Variants in ARID4B observed in about 807,000 individuals in gnomAD.
ARID4B encodes AT-rich interaction domain 4B.
Under a neutral mutation model 147.5 loss-of-function variants are expected in ARID4B, and 26 were observed. The ratio of observed to expected loss-of-function variants is 0.18; its 90% CI spans 0.13 to 0.24. The LOEUF (loss-of-function observed/expected upper bound fraction) is 0.24. Ranked by LOEUF, ARID4B falls within the 10% of genes least tolerant of loss-of-function variation. ARID4B has a pLI of 1.00. For missense variants in ARID4B, 1,179 were observed against 1,511.5 expected (o/e 0.78, Z 3.65); for synonymous variants, 512 against 507.9 (o/e 1.01, Z -0.11).
chr1:235,294,345 C>A (rs1672538995), intron 2 of ARID4B, among the ~76,000 whole-genome samples: 1 of 119,110 alleles, frequency 8.4e-6, no homozygotes. Context: ...CAGAGTCTTA[C>A]TCTGTCACCC....
chr1:235,228,964 C>T, intron 11 of ARID4B: 1 of 339,352 alleles, frequency 2.9e-6, no homozygotes, highest in Non-Finnish European at 5.3e-6. Flanking sequence ...CTTTCTTAAT[C>T]ATCTCATTAA....
chr1:235,309,853 C>G (rs888879595), intron 2 of ARID4B, among the ~76,000 whole-genome samples: 2 of 152,188 alleles, frequency 1.3e-5, no homozygotes, highest in Non-Finnish European at 2.9e-5. Flanking sequence ...GCCTTGGGAT[C>G]CTGTTGATCT....
At chr1:235,192,711 C>A (rs1665198841) in intron 19 of ARID4B, among the ~76,000 whole-genome samples, 1 of 152,144 alleles carries the variant, frequency 6.6e-6, no homozygotes, top group East Asian at 1.9e-4. Context: ...TGTCCCCTTC[C>A]CTGCCAGTCA....
Position 235,252,805 on chromosome 1 carries a change from A to G in ARID4B, c.279T>C (p.Phe93=), listed in dbSNP as rs527659953. 1.7e-5 allele frequency: 28 copies of G among 1,607,736 alleles called. No homozygotes were observed. The highest frequency in any genetic ancestry group is 5.1e-5 in the Admixed American group (3 of 59,140). The part of the protein sequence containing the change: ...LTDASWYTVV[F]DDGDEKTLRR... Reference sequence around the variant, plus strand: ...TCAGTGTCTTCTCATCTCCGTCATCAAAAACTATGAGAGGGGGTAAAAATG... The same window carrying G: ...TCAGTGTCTTCTCATCTCCGTCATCGAAAACTATGAGAGGGGGTAAAAATG... The change falls in exon 6 of 24, where the codon TTT becomes TTC. Residue 93 remains phenylalanine, a synonymous_variant. Coordinates refer to ENST00000264183, the MANE Select transcript of ARID4B (RefSeq NM_016374.6).
chr1:235,255,823 C>G, intron 4 of ARID4B, 73 bp from the exon 5 acceptor site: 6 of 1,007,944 alleles, frequency 6.0e-6, no homozygotes, highest in Non-Finnish European at 9.0e-6. Flanking sequence ...GGTTTGTTTT[C>G]TTTTAACTGA....
rs550133087 is a variant in ARID4B at position 235,264,696 on chromosome 1, A to AAT, written c.7-3945_7-3944insAT. On this transcript the variant is annotated intron_variant, in intron 2 of 23. Transcript: ENST00000264183. ...TATGAAACACTTGATGTGGACAAAC[A>AAT]AGTCATTTTATCAATAGTAATTCAG... is the stretch of plus-strand genomic sequence containing the variant. Among the ~76,000 whole-genome samples, 172 of 152,340 alleles carry AAT rather than the reference A, an allele frequency of 1.1e-3. 1 individual carries two copies. Among genetic ancestry groups the AAT allele is most frequent in the African/African-American group, 4.1e-3 (169 of 41,586 alleles).
intron 2 of ARID4B, 87 bp from the exon 3 acceptor site, chr1:235,260,839 A>G (rs1478866280): frequency 9.5e-6 from 8 of 843,356 alleles, no homozygotes; most frequent in African/African-American, 1.8e-5. Context: ...TAATCTTGTT[A>G]AGCTACAACA....
rs574109213 is a variant in ARID4B at position 235,247,700 on chromosome 1, T to G, written c.355-1189A>C. Among the ~76,000 whole-genome samples, 3 of 152,190 alleles carry G rather than the reference T, an allele frequency of 2.0e-5. No homozygotes were observed. In the South Asian group the frequency reaches 6.2e-4, roughly 32 times the overall value. On this transcript the variant is annotated intron_variant, in intron 6 of 23. Coordinates refer to ENST00000264183, the MANE Select transcript of ARID4B (RefSeq NM_016374.6). ...CCTTAAATCAGGCATTTAAAAAATA[T>G]TATTTGGGCCGGGTGCAGTGACTCA...
chr1:235,286,572 G>A (rs1418520422), intron 2 of ARID4B, among the ~76,000 whole-genome samples: 1 of 152,192 alleles, frequency 6.6e-6, no homozygotes, highest in Non-Finnish European at 1.5e-5. Context: ...TGGTAATCTA[G>A]TAAAAGAATT....
chr1:235,173,766 AAAAAAATAT>A (rs1663584347), intron 22 of ARID4B, among the ~76,000 whole-genome samples: 1 of 48,176 alleles, frequency 2.1e-5, no homozygotes, highest in Admixed American at 2.6e-4. Flanking sequence ...AAAAAAAAAA[AAAAAAATAT>A]ATATATATAT....
chr1:235,227,730 G>A (rs1470857391), intron 11 of ARID4B, among the ~76,000 whole-genome samples: 1 of 151,754 alleles, frequency 6.6e-6, no homozygotes, highest in Non-Finnish European at 1.5e-5. Flanking sequence ...ATATTTTATG[G>A]CTTATTTATG....
chr1:235,280,173 T>C (rs1485190902), intron 2 of ARID4B, among the ~76,000 whole-genome samples: 2 of 152,174 alleles, frequency 1.3e-5, no homozygotes, highest in African/African-American at 4.8e-5. Context: ...TGACAGTAAC[T>C]TCAAGTCTAA....
intron 6 of ARID4B, among the ~76,000 whole-genome samples, chr1:235,249,389 C>G (rs1011564618): frequency 2.0e-5 from 3 of 152,082 alleles, no homozygotes; most frequent in African/African-American, 7.2e-5. Context: ...GTATAATACT[C>G]AAAGTATGAA....
At chr1:235,193,869 A>C in intron 19 of ARID4B, 144 bp downstream of exon 19, 1 of 550,404 alleles carries the variant, frequency 1.8e-6, no homozygotes, top group South Asian at 3.6e-5. Context: ...ATTTCAGTTA[A>C]GAGATATTCA....
At chr1:235,325,093 T>A (rs1003525138) in intron 2 of ARID4B, among the ~76,000 whole-genome samples, 1 of 152,138 alleles carries the variant, frequency 6.6e-6, no homozygotes, top group Non-Finnish European at 1.5e-5. Context: ...ATAAGCTAAG[T>A]TTTTAGTACT....
intron 2 of ARID4B, among the ~76,000 whole-genome samples, chr1:235,289,631 G>A (rs1672199069): frequency 6.6e-6 from 1 of 151,678 alleles, no homozygotes; most frequent in East Asian, 1.9e-4. Context: ...GGTTGAGGTG[G>A]GAGGATCACT....
At chr1:235,176,829 G>A (rs973997541) in intron 21 of ARID4B, 26 of 470,514 alleles carry the variant, frequency 5.5e-5, no homozygotes, top group African/African-American at 1.4e-4. Flanking sequence ...CAGCCAAGCC[G>A]GCTGCTAGCA....
chr1:235,231,182 C>T lies in ARID4B; in HGVS notation c.673G>A (p.Val225Ile). The T allele has an allele frequency of 1.3e-6, 2 of 1,564,828 alleles. No individual in the cohort carries two copies. The highest frequency in any genetic ancestry group is 1.9e-5 in the Admixed American group (1 of 53,418). Residue 225 changes from valine to isoleucine, a missense_variant, in exon 10 of 24, where the codon GTT (valine) becomes ATT (isoleucine). Coordinates refer to ENST00000264183, the MANE Select transcript of ARID4B (RefSeq NM_016374.6). Reference protein sequence around the residue: ...RSFKDGKFTSVPRKDVHEITS... With the variant: ...RSFKDGKFTSIPRKDVHEITS... ...ATTTCATGGACATCTTTTCTTGGAA[C>T]TGAAGTACTATATATTTTTTTTAAT...
At chr1:235,317,012 C>G (rs1487185959) in intron 2 of ARID4B, among the ~76,000 whole-genome samples, 1 of 152,074 alleles carries the variant, frequency 6.6e-6, no homozygotes, top group Non-Finnish European at 1.5e-5. Context: ...ATTCCAAAAT[C>G]TGAAAAAATC....
Sources: allele counts gnomAD v4.1 joint callset (sites outside exome capture counted in the v4.1 genomes callset), GRCh38; gene constraint gnomAD v4.1.1; transcripts MANE v1.5; gene names NCBI Gene and HGNC (gene_info 2026-07-23, HGNC 2026-07-21).